Variants in GTF2I observed in about 807,000 individuals in gnomAD.
GTF2I encodes the protein general transcription factor II-I.
GTF2I carries 12 observed loss-of-function variants against 67.6 expected under a neutral mutation model. That is an observed-to-expected ratio of 0.18 (90% CI 0.11 to 0.29). The LOEUF is 0.29. Among genes scored for constraint, GTF2I ranks in the 10% least tolerant of loss-of-function variants. The pLI, the probability that GTF2I is intolerant of heterozygous loss-of-function variation, is 1.00. For missense variants in GTF2I, 271 were observed against 580.1 expected, an observed-to-expected ratio of 0.47 and a Z score of 5.47; for synonymous variants, 149 against 197.0, an observed-to-expected ratio of 0.76 and a Z score of 2.04.
chr7:74,662,518 T>C, intron 1 of GTF2I, among the ~76,000 whole-genome samples: 1 of 100,106 alleles, frequency 1.0e-5, no homozygotes, highest in African/African-American at 7.4e-5. Context: ...ACCCTTTTTT[T>C]TTTTTTTTTT....
At chr7:74,688,481 A>T (rs1787943561) in intron 1 of GTF2I, among the ~76,000 whole-genome samples, 1 of 151,862 alleles carries the variant, frequency 6.6e-6, no homozygotes, top group Admixed American at 6.6e-5. Flanking sequence ...TTTGAGACGG[A>T]GTTTTGCTCT....
chr7:74,750,451 A>C (rs1795743961), intron 26 of GTF2I, among the ~76,000 whole-genome samples: 1 of 88,990 alleles, frequency 1.1e-5, no homozygotes. Flanking sequence ...TAAAAAAAGA[A>C]ATAAGAATAA....
At chr7:74,696,791 G>C (rs782025948) in intron 3 of GTF2I, among the ~76,000 whole-genome samples, 27 of 151,974 alleles carry the variant, frequency 1.8e-4, no homozygotes, top group Non-Finnish European at 3.5e-4. Flanking sequence ...CACTGCACCC[G>C]GCCTAATTCT....
chr7:74,685,804 C>T (rs587699291), intron 1 of GTF2I, among the ~76,000 whole-genome samples: 25 of 151,890 alleles, frequency 1.6e-4, no homozygotes, highest in Non-Finnish European at 3.2e-4. Context: ...CGATGGCTCA[C>T]GCCGGTAATC....
chr7:74,691,179 G>T, intron 3 of GTF2I, 68 bp downstream of exon 3: 173 of 940,282 alleles, frequency 1.8e-4, no homozygotes, highest in Middle Eastern at 3.1e-4. Flanking sequence ...GGTAAGACAA[G>T]TTATATTATT....
chr7:74,684,331 A>G (rs1554394870), intron 1 of GTF2I, among the ~76,000 whole-genome samples: 1 of 152,266 alleles, frequency 6.6e-6, no homozygotes, highest in African/African-American at 2.4e-5. Flanking sequence ...AACTGAGTAC[A>G]GCCCCCAGGG....
At chr7:74,672,650 T>A (rs1482456102) in intron 1 of GTF2I, among the ~76,000 whole-genome samples, 1 of 152,184 alleles carries the variant, frequency 6.6e-6, no homozygotes. Context: ...ACTCTTAGAA[T>A]TGAAGTATTG....
chr7:74,716,732 C>A (rs1399551519), intron 10 of GTF2I, 162 bp from the exon 11 acceptor site: 2 of 531,450 alleles, frequency 3.8e-6, no homozygotes, highest in Admixed American at 6.3e-5. Context: ...GTATTCTTTT[C>A]TGAATTAGAA....
rs782645820 is a variant in GTF2I, at chr7:74,718,835, A to G, written c.881-44A>G. ...GTAAAATGTTGGAACATATGGAAACATGCTTAATAATGAATGTCATTTTAG... is the reference window on the plus strand; with the variant it reads ...GTAAAATGTTGGAACATATGGAAACGTGCTTAATAATGAATGTCATTTTAG... On this transcript the variant is annotated intron_variant, in intron 11 of 34. Transcript: ENST00000573035. 7 of 978,410 alleles carry G rather than the reference A, an allele frequency of 7.2e-6. No individual in the cohort carries two copies. In the South Asian group the frequency reaches 1.0e-4, roughly 15 times the overall value. 60.6% of individuals were successfully genotyped at this position (978,410 alleles called of 1,614,324 possible).
chr7:74,726,275 G>A (rs1793767523), intron 12 of GTF2I, among the ~76,000 whole-genome samples: 1 of 152,136 alleles, frequency 6.6e-6, no homozygotes, highest in Admixed American at 6.5e-5. Flanking sequence ...AGTATTCATA[G>A]GTGAAATGAG....
chr7:74,721,636 A>G (rs1418005555), intron 12 of GTF2I, among the ~76,000 whole-genome samples: 1 of 152,096 alleles, frequency 6.6e-6, no homozygotes, highest in Non-Finnish European at 1.5e-5. Context: ...ATTAACAAGG[A>G]AGGTCAAGTG....
intron 3 of GTF2I, among the ~76,000 whole-genome samples, chr7:74,693,690 C>CA (rs1350976092): frequency 6.6e-6 from 1 of 151,974 alleles, no homozygotes; most frequent in Non-Finnish European, 1.5e-5. Flanking sequence ...ACTAAAAATA[C>CA]AAAAAATTAG....
Position 74,674,525 on chromosome 7 carries a change from C to T in GTF2I, c.-5-14599C>T, listed in dbSNP as rs978597645. 3.9e-5 allele frequency among the ~76,000 whole-genome samples: 6 copies of T among 152,094 alleles called. No homozygotes were observed. The East Asian group carries it at 1.2e-3, about 29-fold the overall frequency. Reference sequence around the variant, plus strand: ...TGTAATCCAGGATCACATTTCCACCCAGTTTCCTTGCCTCTCTAATATACT... The same window carrying T: ...TGTAATCCAGGATCACATTTCCACCTAGTTTCCTTGCCTCTCTAATATACT... On this transcript the variant is annotated intron_variant, in intron 1 of 34. Coordinates refer to ENST00000573035, the MANE Select transcript of GTF2I (RefSeq NM_032999.4).
intron 26 of GTF2I, among the ~76,000 whole-genome samples, chr7:74,750,332 T>TG (rs1795734034): frequency 1.9e-5 from 2 of 103,486 alleles, no homozygotes; most frequent in Non-Finnish European, 4.3e-5. Context: ...TAATCTCAGC[T>TG]ACTCAGGGAG....
intron 1 of GTF2I, among the ~76,000 whole-genome samples, chr7:74,663,571 G>A (rs1052046627): frequency 2.6e-5 from 4 of 152,198 alleles, no homozygotes; most frequent in Non-Finnish European, 4.4e-5. Context: ...GATTACAGGC[G>A]TGAGCCACTG....
intron 1 of GTF2I, among the ~76,000 whole-genome samples, chr7:74,662,932 C>A (rs782534956): frequency 6.6e-6 from 1 of 152,062 alleles, no homozygotes. Context: ...CACCCTTAGG[C>A]GAGTTGTACA....
chr7:74,720,645 A>G (rs1792839770), intron 12 of GTF2I, among the ~76,000 whole-genome samples: 1 of 152,104 alleles, frequency 6.6e-6, no homozygotes, highest in African/African-American at 2.4e-5. Context: ...CTATGGAGAT[A>G]TTAATAGGAG....
intron 2 of GTF2I, among the ~76,000 whole-genome samples, chr7:74,689,846 G>A (rs1469599036): frequency 3.3e-5 from 5 of 152,136 alleles, no homozygotes; most frequent in African/African-American, 1.2e-4. Flanking sequence ...CTCCCGAGTA[G>A]CTGGGATTGC....
intron 9 of GTF2I, among the ~76,000 whole-genome samples, chr7:74,711,882 A>G (rs1554402625): frequency 6.6e-6 from 1 of 151,232 alleles, no homozygotes; most frequent in African/African-American, 2.4e-5. Flanking sequence ...GTTTGGGGCC[A>G]TTACAAATAG....
Sources: allele counts gnomAD v4.1 joint callset (sites outside exome capture counted in the v4.1 genomes callset), GRCh38; gene constraint gnomAD v4.1.1; transcripts MANE v1.5; gene names NCBI Gene and HGNC (gene_info 2026-07-23, HGNC 2026-07-21).